Variants in RNF111 observed in about 807,000 individuals in gnomAD.
The protein encoded by RNF111 is E3 ubiquitin-protein ligase Arkadia.
A neutral mutation model predicts 95.1 loss-of-function variants in RNF111; 17 were observed. The ratio of observed to expected loss-of-function variants is 0.18; its 90% CI spans 0.12 to 0.27. RNF111 has a LOEUF of 0.27. Ranked by LOEUF, RNF111 falls within the 10% of genes least tolerant of loss-of-function variation. The pLI, the probability that RNF111 is intolerant of heterozygous loss-of-function variation, is 1.00. For missense variants in RNF111, 1,189 were observed against 1,210.4 expected, an observed-to-expected ratio of 0.98 and a Z score of 0.26; for synonymous variants, 440 against 414.8, an observed-to-expected ratio of 1.06 and a Z score of -0.74.
At chr15:59,092,762 G>A in intron 13 of RNF111, 122 bp downstream of exon 13, 1 of 947,060 alleles carries the variant, frequency 1.1e-6, no homozygotes, top group Non-Finnish European at 1.5e-6. Context: ...TTGAGGCCAA[G>A]GCCAGAGGCT....
intron 1 of RNF111, among the ~76,000 whole-genome samples, chr15:59,003,701 G>GT (rs2039423613): frequency 6.6e-6 from 1 of 152,192 alleles, no homozygotes; most frequent in African/African-American, 2.4e-5. Flanking sequence ...TGCACGTGGC[G>GT]TATTTTCTTA....
Position 59,089,716 on chromosome 15 carries a change from T to G in RNF111, c.2600T>G (p.Leu867Trp). 1 of 1,613,766 alleles carries G rather than the reference T, an allele frequency of 6.2e-7. No individual in the cohort carries two copies. Among genetic ancestry groups the G allele is most frequent in the South Asian group, 1.1e-5 (1 of 91,086 alleles). The change falls in exon 11 of 14, where the codon TTG becomes TGG. Residue 867 changes from leucine (L) to tryptophan (W), a missense_variant. Leu to Trp is a moderately conservative substitution (Grantham distance 61). Coordinates refer to ENST00000348370, the MANE Select transcript of RNF111 (RefSeq NM_017610.8). ...CACATCCGTTACATTTCATCAGGATTGGATGGAACATCATTCAGAGGTCCT... is the reference window on the plus strand; with the variant it reads ...CACATCCGTTACATTTCATCAGGATGGGATGGAACATCATTCAGAGGTCCT... ...YPHIRYISSG[L>W]DGTSFRGPFR... is the part of the protein sequence containing the mutation.
intron 13 of RNF111, 131 bp from the exon 14 acceptor site, chr15:59,094,650 GAT>G (rs1419792587): frequency 2.6e-5 from 15 of 581,626 alleles, no homozygotes; most frequent in Non-Finnish European, 4.3e-5. Flanking sequence ...TAATTTAATC[GAT>G]GTGTTTTTTA....
chr15:59,002,625 A>G (rs762494036), intron 1 of RNF111, among the ~76,000 whole-genome samples: 7 of 152,212 alleles, frequency 4.6e-5, no homozygotes, highest in Admixed American at 6.5e-5. Flanking sequence ...AGGCTTTGCT[A>G]TCAGGTCTTA....
Position 59,067,014 on chromosome 15 carries a change from G to A in RNF111, c.1617G>A (p.Val539=), listed in dbSNP as rs763496334. 54 of 1,613,870 alleles carry A rather than the reference G, an allele frequency of 3.3e-5. No homozygotes were observed. The Admixed American group carries it at 3.8e-4, about 11-fold the overall frequency. The change falls in exon 6 of 14, where the codon GTG becomes GTA. Residue 539 remains valine, a synonymous_variant. Transcript: ENST00000348370. The stretch of plus-strand genomic sequence containing the variant: ...CCTTTAGTGATCCTGCTTGCCCTGT[G>A]GAAAGACCTCCACAAGTACAAGCAC... The part of the protein sequence containing the change: ...SPSFSDPACP[V]ERPPQVQAPC...
chr15:59,037,709 G>T (rs1238976893), intron 2 of RNF111, among the ~76,000 whole-genome samples: 1 of 152,128 alleles, frequency 6.6e-6, no homozygotes, highest in Non-Finnish European at 1.5e-5. Flanking sequence ...GGTGGCGCAT[G>T]CCTGTAATCC....
At chr15:59,049,628 T>A (rs1781915196) in intron 2 of RNF111, 1 of 155,646 alleles carries the variant, frequency 6.4e-6, no homozygotes, top group Admixed American at 6.4e-5. Context: ...GGCAAGAATT[T>A]CGTTTGTTAC....
Position 59,094,802 on chromosome 15 carries a change from CT to C in RNF111, c.2867del (p.Phe956SerfsTer10). On this transcript the variant is annotated frameshift_variant, in exon 14 of 14. Coordinates refer to ENST00000348370, the MANE Select transcript of RNF111 (RefSeq NM_017610.8). LOFTEE classifies it high-confidence loss of function. The part of the protein sequence containing the change: ...EDVRRLPCMH[L>X]FHQVCVDQWL... ...TAATAGACGTCTTCCATGTATGCAC[CT>C]TTTCCACCAAGTGTGTGTTGACCAA... The C allele has an allele frequency of 1.9e-6, 3 of 1,609,638 alleles. No homozygotes were observed. Among genetic ancestry groups the C allele is most frequent in the Non-Finnish European group, 2.5e-6 (3 of 1,176,712 alleles).
chr15:59,081,177 A>T lies in RNF111; in HGVS notation c.2190A>T (p.Pro730=), dbSNP rs765584538. The T allele has an allele frequency of 2.5e-6, 4 of 1,614,000 alleles. No individual in the cohort carries two copies. The highest frequency in any genetic ancestry group is 1.3e-5 in the African/African-American group (1 of 74,892). The change falls in exon 8 of 14, where the codon CCA becomes CCT. Residue 730 remains proline, a synonymous_variant. Transcript: ENST00000348370. ...AGCATCTTCCTCCTACACACCAGCC[A>T]ATTTCGCACCATATTCCAGCCACAG... ...IPQHLPPTHQ[P]ISHHIPATAP... is the part of the protein sequence containing the mutation.
At chr15:59,088,141 AGGAATTGTTT>A (rs2078949985) in intron 10 of RNF111, among the ~76,000 whole-genome samples, 1 of 152,212 alleles carries the variant, frequency 6.6e-6, no homozygotes, top group Non-Finnish European at 1.5e-5. Flanking sequence ...ACCATTAGAG[AGGAATTGTTT>A]GAAGATATTG....
At chr15:59,084,595 C>T (rs1335647494) in intron 9 of RNF111, among the ~76,000 whole-genome samples, 1 of 152,126 alleles carries the variant, frequency 6.6e-6, no homozygotes, top group Non-Finnish European at 1.5e-5. Flanking sequence ...TTATCACCTC[C>T]AATATTGATC....
chr15:59,012,328 G>T (rs1028356360), intron 1 of RNF111, among the ~76,000 whole-genome samples: 1 of 152,054 alleles, frequency 6.6e-6, no homozygotes, highest in Non-Finnish European at 1.5e-5. Flanking sequence ...CTGCTGTTCT[G>T]TCTTAATTTC....
intron 5 of RNF111, among the ~76,000 whole-genome samples, chr15:59,061,586 T>G (rs2042440619): frequency 6.6e-6 from 1 of 152,226 alleles, no homozygotes; most frequent in Admixed American, 6.5e-5. Context: ...AATGCCTCCA[T>G]ATAAACTTTT....
chr15:59,002,163 A>C (rs1730646065), intron 1 of RNF111, among the ~76,000 whole-genome samples: 1 of 152,224 alleles, frequency 6.6e-6, no homozygotes, highest in South Asian at 2.1e-4. Flanking sequence ...AACCGTAGAC[A>C]GTAAATTGTG....
chr15:59,091,201 A>C (rs1295724842), intron 12 of RNF111, 47 bp downstream of exon 12: 1 of 1,070,306 alleles, frequency 9.3e-7, no homozygotes, highest in Non-Finnish European at 1.4e-6. Context: ...TGAAAGGCAT[A>C]AATGTAATAT....
intron 3 of RNF111, among the ~76,000 whole-genome samples, chr15:59,052,807 A>G (rs1178892330): frequency 6.6e-6 from 1 of 152,064 alleles, no homozygotes; most frequent in Non-Finnish European, 1.5e-5. Flanking sequence ...CCATACTTGA[A>G]CTAGAATTTT....
intron 1 of RNF111, among the ~76,000 whole-genome samples, chr15:59,027,422 T>A (rs1325040838): frequency 6.6e-6 from 1 of 152,188 alleles, no homozygotes; most frequent in Non-Finnish European, 1.5e-5. Flanking sequence ...TTATTGAGAT[T>A]TTATTTCACT....
rs899407205 is a variant in RNF111 at position 59,085,861 on chromosome 15, C to T, written c.2550+76C>T. ...TAAGTATTTTATTGGAAATACTTCACTATATTAATATAGATGTTTTAATAG... is the reference window on the plus strand; with the variant it reads ...TAAGTATTTTATTGGAAATACTTCATTATATTAATATAGATGTTTTAATAG... On this transcript the variant is annotated intron_variant, in intron 10 of 13. Coordinates refer to ENST00000348370, the MANE Select transcript of RNF111 (RefSeq NM_017610.8). 6.6e-6 allele frequency: 8 copies of T among 1,210,102 alleles called. No homozygotes were observed. In the African/African-American group the frequency reaches 7.7e-5, roughly 12 times the overall value. 75.0% of individuals were successfully genotyped at this position (1,210,102 alleles called of 1,614,324 possible). A position where few individuals can be genotyped will look rare whatever the true frequency, so the allele number is the denominator to read the frequency against.
Position 59,091,044 on chromosome 15 carries a change from A to G in RNF111, c.2644-15A>G. 1 of 1,522,354 alleles carries G rather than the reference A, an allele frequency of 6.6e-7. No homozygotes were observed. The highest frequency in any genetic ancestry group is 1.4e-5 in the African/African-American group (1 of 73,188). 94.3% of individuals were successfully genotyped at this position (1,522,354 alleles called of 1,614,324 possible). On this transcript the variant is annotated splice_polypyrimidine_tract_variant and intron_variant, in intron 11 of 13. Transcript: ENST00000348370. ...CATCTTGGCTTTTACCAGTCATTAT[A>G]TTCTTCACTTTCAGGAACTGATTCA...
Sources: gnomAD v4.1 joint callset for allele counts (sites outside exome capture counted in the v4.1 genomes callset) on GRCh38, gnomAD v4.1.1 for gene constraint, MANE v1.5 for transcripts, NCBI Gene and HGNC (gene_info 2026-07-23, HGNC 2026-07-21) for gene names.